The following ADAMTS2 variants were observed in gnomAD, a reference collection of about 807,000 sequenced individuals.
ADAMTS2 encodes the protein ADAM metallopeptidase with thrombospondin type 1 motif 2.
A neutral mutation model predicts 123.0 loss-of-function variants in ADAMTS2; 50 were observed. The observed-to-expected ratio is 0.41, with a 90% confidence interval of 0.32 to 0.51. ADAMTS2 has a LOEUF of 0.51. Ranked by LOEUF, ADAMTS2 falls within the 20% of genes least tolerant of loss-of-function variation. The pLI, the probability that ADAMTS2 is intolerant of heterozygous loss-of-function variation, is 0.35. For synonymous variants in ADAMTS2, 678 were observed against 695.4 expected, an observed-to-expected ratio of 0.98 and a Z score of 0.39; for missense variants, 1,494 against 1,705.2, an observed-to-expected ratio of 0.88 and a Z score of 2.18.
At chr5:179,134,366 C>A (rs1763016265) in intron 13 of ADAMTS2, among the ~76,000 whole-genome samples, 1 of 152,122 alleles carries the variant, frequency 6.6e-6, no homozygotes, top group South Asian at 2.1e-4. Flanking sequence ...CTCCTTTATC[C>A]AGGACTCACA....
intron 3 of ADAMTS2, among the ~76,000 whole-genome samples, chr5:179,254,811 G>A (rs964668800): frequency 6.6e-6 from 1 of 152,254 alleles, no homozygotes; most frequent in Admixed American, 6.5e-5. Context: ...CAGCCTATTA[G>A]CAGCATTTGT....
At position 179,169,315 on chromosome 5, in the gene ADAMTS2, G is replaced by A. The variant is rs142755288; in HGVS notation, c.976-10436C>T. Among the ~76,000 whole-genome samples, 14 of 152,322 alleles carry A rather than the reference G, an allele frequency of 9.2e-5. No individual in the cohort carries two copies. In the East Asian group the frequency reaches 1.9e-3, roughly 21 times the overall value. On this transcript the variant is annotated intron_variant, in intron 5 of 21. Coordinates refer to ENST00000251582, the MANE Select transcript of ADAMTS2 (RefSeq NM_014244.5). ...CTTACGACACATCAGTTCTGCTGGC[G>A]TCCTGCTCTTGGACTTCCCAGCCCC...
chr5:179,132,106 C>T lies in ADAMTS2; in HGVS notation c.2290+124G>A, dbSNP rs1762973804. The T allele has an allele frequency of 1.2e-5, 11 of 924,930 alleles. No individual in the cohort carries two copies. The East Asian group carries it at 2.9e-4, about 24-fold the overall frequency. 57.3% of individuals were successfully genotyped at this position (924,930 alleles called of 1,614,324 possible). ...AGCAGAGGGACAGGTTGGGGAGGGG[C>T]TGCCCTGGCTCAGGTCATGGCTGCA... On this transcript the variant is annotated intron_variant, in intron 15 of 21. Transcript: ENST00000251582. This position sits in a 1 kb window ranked among gnomAD's most constrained non-coding sequence, Gnocchi z 6.1.
chr5:179,216,471 G>A (rs954323379), intron 3 of ADAMTS2, among the ~76,000 whole-genome samples: 51 of 150,876 alleles, frequency 3.4e-4, no homozygotes, highest in Admixed American at 2.4e-3. Context: ...GAAGCAGGAC[G>A]TACAGGTCAG....
At chr5:179,218,295 C>T (rs1330642088) in intron 3 of ADAMTS2, among the ~76,000 whole-genome samples, 1 of 152,232 alleles carries the variant, frequency 6.6e-6, no homozygotes, top group African/African-American at 2.4e-5. Context: ...AAGGTCATCC[C>T]CTCCATTTCT....
chr5:179,200,307 G>A (rs1250035881), intron 4 of ADAMTS2, among the ~76,000 whole-genome samples: 2 of 138,646 alleles, frequency 1.4e-5, no homozygotes, highest in Non-Finnish European at 3.0e-5. Context: ...GGAGTGCAGT[G>A]GCGTCACCTC....
intron 4 of ADAMTS2, among the ~76,000 whole-genome samples, chr5:179,206,764 C>G (rs1764707976): frequency 6.6e-6 from 1 of 152,214 alleles, no homozygotes; most frequent in South Asian, 2.1e-4. Context: ...GCACAGCCTC[C>G]ACCCACACAC....
chr5:179,306,728 G>A (rs1324859286), intron 2 of ADAMTS2, among the ~76,000 whole-genome samples: 1 of 152,158 alleles, frequency 6.6e-6, no homozygotes, highest in Admixed American at 6.5e-5. Context: ...TAGGGGAAGC[G>A]GGGGCCCTCC....
intron 2 of ADAMTS2, among the ~76,000 whole-genome samples, chr5:179,318,431 G>A (rs1340158130): frequency 6.6e-6 from 1 of 152,094 alleles, no homozygotes; most frequent in African/African-American, 2.4e-5. Flanking sequence ...GGCGGGGCGG[G>A]GACAGCCAGG....
At chr5:179,223,682 TCA>T (rs201211766) in intron 3 of ADAMTS2, among the ~76,000 whole-genome samples, 33,945 of 141,060 alleles carry the variant, frequency 0.24, 4,030 homozygotes, top group Middle Eastern at 0.36. Flanking sequence ...ATGAATGCAC[TCA>T]CACACACGAA....
At chr5:179,152,285 C>T in intron 9 of ADAMTS2, 30 bp from the exon 10 acceptor site, 1 of 1,607,978 alleles carries the variant, frequency 6.2e-7, no homozygotes, top group Non-Finnish European at 8.5e-7. Context: ...CTTGCCAGGT[C>T]CCTCCCACCT....
chr5:179,271,964 G>A (rs914307386), intron 3 of ADAMTS2, among the ~76,000 whole-genome samples: 1 of 152,184 alleles, frequency 6.6e-6, no homozygotes, highest in African/African-American at 2.4e-5. Flanking sequence ...AGGTGTGCCC[G>A]ATCCTGGGCC....
intron 3 of ADAMTS2, among the ~76,000 whole-genome samples, chr5:179,236,336 C>T (rs1446259178): frequency 6.6e-6 from 1 of 152,162 alleles, no homozygotes; most frequent in Non-Finnish European, 1.5e-5. Context: ...CAGCCACTCC[C>T]GTAAGGGTGA....
chr5:179,228,674 G>A lies in ADAMTS2; in HGVS notation c.689-20959C>T, dbSNP rs1765342165. Among the ~76,000 whole-genome samples the A allele has an allele frequency of 6.6e-6, 1 of 152,262 alleles. No homozygotes were observed. The highest frequency in any genetic ancestry group is 1.5e-5 in the Non-Finnish European group (1 of 68,048). ...CACCATGCGCGGCTGGGCCGACTGT[G>A]CCTGCCCTTAAGGCAGGCAGAACAC... is the stretch of plus-strand genomic sequence containing the variant. On this transcript the variant is annotated intron_variant, in intron 3 of 21. Transcript: ENST00000251582. This position sits in a 1 kb window ranked among gnomAD's most constrained non-coding sequence, Gnocchi z 5.2.
chr5:179,241,207 T>C (rs1240506835), intron 3 of ADAMTS2, among the ~76,000 whole-genome samples: 1 of 152,214 alleles, frequency 6.6e-6, no homozygotes, highest in Non-Finnish European at 1.5e-5. Context: ...CTGCCTTGTT[T>C]CGGGTGGAGG....
chr5:179,122,606 C>A (rs952120390), intron 20 of ADAMTS2, 38 bp downstream of exon 20: 11 of 1,546,386 alleles, frequency 7.1e-6, no homozygotes, highest in Admixed American at 2.0e-5. Flanking sequence ...TGGGCTGCTG[C>A]ATGCTGGGAG....
intron 2 of ADAMTS2, among the ~76,000 whole-genome samples, chr5:179,282,337 C>T (rs1766937962): frequency 6.6e-6 from 1 of 152,176 alleles, no homozygotes; most frequent in South Asian, 2.1e-4. Flanking sequence ...GGAAGGGGTC[C>T]AACTTCATTT....
intron 3 of ADAMTS2, among the ~76,000 whole-genome samples, chr5:179,251,342 C>T (rs752856611): frequency 1.4e-4 from 21 of 152,170 alleles, no homozygotes; most frequent in Non-Finnish European, 2.6e-4. Flanking sequence ...TGGTGACCTA[C>T]TTCAGCAAGG....
chr5:179,114,413 A>G, intron 21 of ADAMTS2, 89 bp from the exon 22 acceptor site: 1 of 1,340,028 alleles, frequency 7.5e-7, no homozygotes, highest in Middle Eastern at 2.5e-4. Context: ...GAGGAGGCAT[A>G]TGGAAGAGCC....
Sources: allele counts gnomAD v4.1 joint callset (sites outside exome capture counted in the v4.1 genomes callset), GRCh38; gene constraint gnomAD v4.1.1; non-coding constraint Gnocchi (gnomAD v3.1); transcripts MANE v1.5; gene names NCBI Gene and HGNC (gene_info 2026-07-23, HGNC 2026-07-21).